NEGR1: variants seen among roughly 807,000 people sequenced by gnomAD.
NEGR1 encodes IgLON family member 4.
A neutral mutation model predicts 40.9 loss-of-function variants in NEGR1; 10 were observed. The observed-to-expected ratio is 0.24, with a 90% CI of 0.15 to 0.42. The LOEUF is 0.42. Among genes scored for constraint, NEGR1 ranks in the 10% least tolerant of loss-of-function variants. The probability of loss-of-function intolerance (pLI) is 1.00; values close to 1 mark genes in which losing one functional copy is unlikely to be tolerated. For missense variants in NEGR1, 352 were observed against 438.9 expected, an observed-to-expected ratio of 0.80 and a Z score of 1.77; for synonymous variants, 185 against 166.8, an observed-to-expected ratio of 1.11 and a Z score of -0.84.
chr1:71,794,823 C>T (rs1657259238), intron 2 of NEGR1, among the ~76,000 whole-genome samples: 1 of 151,842 alleles, frequency 6.6e-6, no homozygotes, highest in African/African-American at 2.4e-5. Context: ...GAAGCATTCC[C>T]AGAGAATTTA....
chr1:71,624,104 G>A (rs1650693034), intron 4 of NEGR1, among the ~76,000 whole-genome samples: 1 of 151,874 alleles, frequency 6.6e-6, no homozygotes, highest in Non-Finnish European at 1.5e-5. Flanking sequence ...GCCAGATCCT[G>A]TCTATTTACT....
Position 71,684,477 on chromosome 1 carries a change from T to C in NEGR1, c.667+13531A>G, listed in dbSNP as rs575712612. Among the ~76,000 whole-genome samples, 116 of 152,274 alleles carry C rather than the reference T, an allele frequency of 7.6e-4. 1 individual carries two copies. Among genetic ancestry groups the C allele is most frequent in the African/African-American group, 2.6e-3 (110 of 41,564 alleles). On this transcript the variant is annotated intron_variant, in intron 4 of 6. Transcript: ENST00000357731. ...ACACATACTAACGTATGTTTGTGTGTATGTATGTATCTATTTTTGTGTGCG... is the reference window on the plus strand; with the variant it reads ...ACACATACTAACGTATGTTTGTGTGCATGTATGTATCTATTTTTGTGTGCG...
intron 1 of NEGR1, among the ~76,000 whole-genome samples, chr1:72,111,011 G>T (rs1278202486): frequency 1.3e-5 from 2 of 150,850 alleles, no homozygotes; most frequent in Non-Finnish European, 3.0e-5. Context: ...CCTGGCTTTA[G>T]TTTTGTCTTA....
At chr1:72,112,349 T>G (rs1160385729) in intron 1 of NEGR1, among the ~76,000 whole-genome samples, 1 of 151,670 alleles carries the variant, frequency 6.6e-6, no homozygotes, top group Non-Finnish European at 1.5e-5. Flanking sequence ...GAGTTCTTCG[T>G]TTATACTATT....
chr1:71,989,037 A>C (rs1165566035), intron 1 of NEGR1, among the ~76,000 whole-genome samples: 3 of 152,074 alleles, frequency 2.0e-5, no homozygotes, highest in Non-Finnish European at 4.4e-5. Context: ...CACCTCAAGC[A>C]TACAAAATTA....
intron 4 of NEGR1, among the ~76,000 whole-genome samples, chr1:71,685,705 C>A (rs910577553): frequency 3.3e-5 from 5 of 152,136 alleles, no homozygotes; most frequent in Non-Finnish European, 7.4e-5. Context: ...CCCTTCCTCC[C>A]CACACCAAAT....
At chr1:71,662,466 T>A (rs1360778794) in intron 4 of NEGR1, among the ~76,000 whole-genome samples, 1 of 152,174 alleles carries the variant, frequency 6.6e-6, no homozygotes, top group Non-Finnish European at 1.5e-5. Flanking sequence ...TCAGGCATTA[T>A]CACACCTTAG....
At chr1:71,453,365 T>C (rs1646646561) in intron 6 of NEGR1, among the ~76,000 whole-genome samples, 1 of 152,106 alleles carries the variant, frequency 6.6e-6, no homozygotes, top group South Asian at 2.1e-4. Flanking sequence ...AGGGACAGGG[T>C]TGCAATATTA....
At chr1:71,760,723 C>A (rs1655912490) in intron 3 of NEGR1, among the ~76,000 whole-genome samples, 2 of 151,956 alleles carry the variant, frequency 1.3e-5, no homozygotes, top group Non-Finnish European at 2.9e-5. Flanking sequence ...CATCAAAGAG[C>A]AGAGTGTAGT....
Position 71,981,994 on chromosome 1 carries a change from T to C in NEGR1, c.177-46683A>G, listed in dbSNP as rs1646358538. On this transcript the variant is annotated intron_variant, in intron 1 of 6. Coordinates refer to ENST00000357731, the MANE Select transcript of NEGR1 (RefSeq NM_173808.3). ...GGTTGCAATAATGTTTAATGTCTTG[T>C]TTGGCATTTTTTTGTTTTTGTTTTT... is the stretch of plus-strand genomic sequence containing the variant. Among the ~76,000 whole-genome samples, 3 of 152,306 alleles carry C rather than the reference T, an allele frequency of 2.0e-5. No homozygotes were observed. In the South Asian group the frequency reaches 6.2e-4, roughly 32 times the overall value.
chr1:71,609,902 C>G lies in NEGR1; in HGVS notation c.788+1124G>C, dbSNP rs1014641144. On this transcript the variant is annotated intron_variant, in intron 5 of 6. Transcript: ENST00000357731. ...TAGATCATGGGGGCAGTTCCCCCAC[C>G]CTGTTCTCGTGATAGTGAGTGAGTT... 9.9e-5 allele frequency among the ~76,000 whole-genome samples: 15 copies of G among 152,206 alleles called. No homozygotes were observed. The South Asian group carries it at 1.0e-3, about 11-fold the overall frequency.
At chr1:72,278,109 C>A (rs1367162262) in intron 1 of NEGR1, among the ~76,000 whole-genome samples, 1 of 151,994 alleles carries the variant, frequency 6.6e-6, no homozygotes, top group Non-Finnish European at 1.5e-5. Context: ...TAGAAATACG[C>A]CCTAAGCAAA....
chr1:71,963,281 T>C (rs758795811), intron 1 of NEGR1, among the ~76,000 whole-genome samples: 10 of 152,154 alleles, frequency 6.6e-5, no homozygotes, highest in Non-Finnish European at 1.3e-4. Flanking sequence ...AGTTGATCCA[T>C]TAATCAGAGC....
chr1:71,571,507 T>TTGCTGGCAGCACTGGCTCATGCCTGTA (rs1267161349), intron 6 of NEGR1, among the ~76,000 whole-genome samples: 1 of 152,210 alleles, frequency 6.6e-6, no homozygotes, highest in African/African-American at 2.4e-5. Context: ...TTTCAAAATG[T>TTGCTGGCAGCACTGGCTCATGCCTGTA]TGCTGGCAGC....
At chr1:71,529,039 T>C (rs1313081252) in intron 6 of NEGR1, among the ~76,000 whole-genome samples, 1 of 139,646 alleles carries the variant, frequency 7.2e-6, no homozygotes, top group East Asian at 2.0e-4. Flanking sequence ...ATAAAGCATT[T>C]TTTTTTACTA....
chr1:71,984,338 G>GA lies in NEGR1; in HGVS notation c.177-49028dup, dbSNP rs779811421. Among the ~76,000 whole-genome samples the GA allele has an allele frequency of 1.6e-4, 19 of 117,618 alleles. 1 individual carries two copies. The highest frequency in any genetic ancestry group is 1.1e-3 in the Admixed American group (13 of 12,186). The allele number at this position is 117,618 out of a possible 152,430, so 77.2% of individuals were successfully genotyped here. A position where few individuals can be genotyped will look rare whatever the true frequency, so the allele number is the denominator to read the frequency against. On this transcript the variant is annotated intron_variant, in intron 1 of 6. Transcript: ENST00000357731. ...ATACAGGGTCTCACCATGTTGCCTA[G>GA]ACTGGTCTCGAACTCCTGGTATCAA... is the stretch of plus-strand genomic sequence containing the variant.
At chr1:71,865,652 A>T (rs1660090610) in intron 2 of NEGR1, among the ~76,000 whole-genome samples, 1 of 152,164 alleles carries the variant, frequency 6.6e-6, no homozygotes, top group Non-Finnish European at 1.5e-5. Flanking sequence ...CTTAATGTAG[A>T]TGAAGGGTTG....
chr1:71,550,951 A>G (rs1002776149), intron 6 of NEGR1, among the ~76,000 whole-genome samples: 9 of 151,568 alleles, frequency 5.9e-5, no homozygotes, highest in Non-Finnish European at 1.0e-4. Flanking sequence ...AACTTAGAAC[A>G]TCTACATCAT....
chr1:72,225,122 GC>G (rs889018261), intron 1 of NEGR1, among the ~76,000 whole-genome samples: 1 of 151,890 alleles, frequency 6.6e-6, no homozygotes, highest in African/African-American at 2.4e-5. Context: ...ATCAGTGAAT[GC>G]CCATGTTTTT....
Sources: gnomAD v4.1 joint callset for allele counts (sites outside exome capture counted in the v4.1 genomes callset) on GRCh38, gnomAD v4.1.1 for gene constraint, MANE v1.5 for transcripts, NCBI Gene and HGNC (gene_info 2026-07-23, HGNC 2026-07-21) for gene names.